DGKB: variants seen among roughly 807,000 people sequenced by gnomAD.
The protein encoded by DGKB is 90 kDa diacylglycerol kinase.
A neutral mutation model predicts 114.3 loss-of-function variants in DGKB; 67 were observed. The ratio of observed to expected loss-of-function variants is 0.59; its 90% CI spans 0.48 to 0.72. The LOEUF (loss-of-function observed/expected upper bound fraction) is 0.72, where lower values mean the gene tolerates loss of function less well. Ranked by LOEUF, DGKB falls within the 30% of genes least tolerant of loss-of-function variation. The pLI is 0.00. For missense variants in DGKB, 907 were observed against 975.2 expected, an observed-to-expected ratio of 0.93 and a Z score of 0.93; for synonymous variants, 398 against 323.1, an observed-to-expected ratio of 1.23 and a Z score of -2.49.
At chr7:14,934,310 GA>G (rs779833482) in intron 1 of DGKB, among the ~76,000 whole-genome samples, 40 of 152,064 alleles carry the variant, frequency 2.6e-4, no homozygotes, top group Non-Finnish European at 5.0e-4. Flanking sequence ...ATTTTCAACA[GA>G]AACATTATGT....
At chr7:14,684,039 C>A (rs575731461) in intron 10 of DGKB, among the ~76,000 whole-genome samples, 1 of 152,178 alleles carries the variant, frequency 6.6e-6, no homozygotes, top group East Asian at 1.9e-4. Flanking sequence ...AAAGTACTTC[C>A]TTTGTATAGG....
chr7:14,443,211 G>A (rs755433399), intron 21 of DGKB, among the ~76,000 whole-genome samples: 5 of 151,660 alleles, frequency 3.3e-5, no homozygotes, highest in Non-Finnish European at 5.9e-5. Flanking sequence ...TCCTTTTACC[G>A]GTTTGGAAGA....
intron 13 of DGKB, among the ~76,000 whole-genome samples, chr7:14,632,686 G>A (rs560441138): frequency 6.6e-6 from 1 of 151,790 alleles, no homozygotes; most frequent in African/African-American, 2.4e-5. Context: ...AGGAGTGGGT[G>A]GGAGAGAAAT....
intron 4 of DGKB, among the ~76,000 whole-genome samples, chr7:14,744,495 C>T (rs933965023): frequency 1.3e-5 from 2 of 152,098 alleles, no homozygotes; most frequent in Admixed American, 6.6e-5. Flanking sequence ...GGCCCAGGAA[C>T]TCTATATTCT....
At chr7:14,201,481 A>G (rs1157442358) in intron 23 of DGKB, among the ~76,000 whole-genome samples, 1 of 152,004 alleles carries the variant, frequency 6.6e-6, no homozygotes, top group African/African-American at 2.4e-5. Flanking sequence ...GACCAGGTGC[A>G]TGAGAGTGAA....
chr7:14,915,426 T>G (rs1370321096), intron 1 of DGKB, among the ~76,000 whole-genome samples: 2 of 152,106 alleles, frequency 1.3e-5, no homozygotes, highest in Non-Finnish European at 2.9e-5. Flanking sequence ...GTTGATGTTA[T>G]AACAGCTGTC....
chr7:14,178,557 G>T, intron 23 of DGKB, among the ~76,000 whole-genome samples: 1 of 152,076 alleles, frequency 6.6e-6, no homozygotes, highest in East Asian at 1.9e-4. Context: ...ATGAGGATAT[G>T]CTGTCAAACA....
chr7:14,480,014 T>G (rs1782749587), intron 20 of DGKB, among the ~76,000 whole-genome samples: 1 of 152,004 alleles, frequency 6.6e-6, no homozygotes, highest in African/African-American at 2.4e-5. Context: ...TTGGGGAGAC[T>G]GAGACTTTTA....
chr7:14,717,442 G>C (rs1828390207), intron 6 of DGKB, among the ~76,000 whole-genome samples: 1 of 151,736 alleles, frequency 6.6e-6, no homozygotes, highest in African/African-American at 2.4e-5. Flanking sequence ...TAAGTTCTTA[G>C]GAATACAAAA....
At chr7:14,221,615 T>G (rs1391654981) in intron 23 of DGKB, among the ~76,000 whole-genome samples, 1 of 151,462 alleles carries the variant, frequency 6.6e-6, no homozygotes, top group Non-Finnish European at 1.5e-5. Flanking sequence ...CATAAAAATA[T>G]TGGTCTGTTA....
intron 17 of DGKB, among the ~76,000 whole-genome samples, chr7:14,587,942 G>A (rs1421262152): frequency 6.6e-6 from 1 of 152,072 alleles, no homozygotes; most frequent in Non-Finnish European, 1.5e-5. Flanking sequence ...CTTTATTGTG[G>A]TGGTGTGGAA....
At chr7:14,359,949 C>T (rs1053560196) in intron 21 of DGKB, among the ~76,000 whole-genome samples, 16 of 151,968 alleles carry the variant, frequency 1.1e-4, no homozygotes, top group East Asian at 3.9e-4. Flanking sequence ...TTTGATGCAG[C>T]GATCCCATTA....
At chr7:14,574,446 T>C (rs1307323244) in intron 19 of DGKB, 74 bp from the exon 20 acceptor site, 3 of 1,223,276 alleles carry the variant, frequency 2.5e-6, no homozygotes, top group Non-Finnish European at 3.5e-6. Context: ...TGTTTCAGTG[T>C]GCTTATGCAT....
chr7:14,531,408 T>C (rs1207385971), intron 20 of DGKB, among the ~76,000 whole-genome samples: 1 of 151,426 alleles, frequency 6.6e-6, no homozygotes, highest in Admixed American at 6.6e-5. Flanking sequence ...TTCTATATAC[T>C]AGCAAGTAAT....
At chr7:14,686,631 T>A (rs938948197) in intron 9 of DGKB, among the ~76,000 whole-genome samples, 9 of 152,194 alleles carry the variant, frequency 5.9e-5, no homozygotes, top group African/African-American at 2.2e-4. Context: ...TTAATAATAA[T>A]GCTCCTAACT....
At chr7:14,225,600 C>A (rs1218675490) in intron 23 of DGKB, among the ~76,000 whole-genome samples, 1 of 151,802 alleles carries the variant, frequency 6.6e-6, no homozygotes, top group African/African-American at 2.4e-5. Flanking sequence ...GTGGCTAAGG[C>A]CACATAAGCA....
chr7:14,320,949 A>G (rs141259385), intron 23 of DGKB, among the ~76,000 whole-genome samples: 12 of 152,342 alleles, frequency 7.9e-5, no homozygotes, highest in Non-Finnish European at 1.6e-4. Context: ...AGATAATACA[A>G]CATTCCAAGT....
At chr7:14,701,106 T>A (rs1283963480) in intron 7 of DGKB, among the ~76,000 whole-genome samples, 4 of 121,680 alleles carry the variant, frequency 3.3e-5, no homozygotes, top group Admixed American at 9.3e-5. Flanking sequence ...AAGATGGTAT[T>A]TTCTTATTTT....
In DGKB at chr7:14,314,495, C is replaced by A. The variant is rs539774430; in HGVS notation, c.2122+24020G>T. 3.3e-4 allele frequency among the ~76,000 whole-genome samples: 50 copies of A among 152,018 alleles called. 3 individuals carry two copies. In the South Asian group the frequency reaches 0.01, roughly 31 times the overall value. On this transcript the variant is annotated intron_variant, in intron 23 of 25. Coordinates refer to ENST00000402815, the MANE Select transcript of DGKB (RefSeq NM_001350709.2). The stretch of plus-strand genomic sequence containing the variant: ...AACTACGTGAAGAATGCAGAAGGCT[C>A]AGGAGCCGATGTGATCAACTGGAAG...
Sources: allele counts gnomAD v4.1 joint callset (sites outside exome capture counted in the v4.1 genomes callset), GRCh38; gene constraint gnomAD v4.1.1; transcripts MANE v1.5; gene names NCBI Gene and HGNC (gene_info 2026-07-23, HGNC 2026-07-21).